Variants in USP34 observed in about 807,000 individuals in gnomAD.
The protein encoded by USP34 is ubiquitin carboxyl-terminal hydrolase 34.
In USP34, 70 loss-of-function variants were observed where a neutral mutation model predicts 460.3. The observed-to-expected ratio is 0.15, with a 90% confidence interval of 0.13 to 0.19. USP34 has a LOEUF of 0.19. Ranked by LOEUF, USP34 falls within the 10% of genes least tolerant of loss-of-function variation. The pLI is 1.00. For missense variants in USP34, 3,985 were observed against 4,236.2 expected (o/e 0.94, Z 1.65); for synonymous variants, 1,647 against 1,405.3 (o/e 1.17, Z -3.85).
chr2:61,194,016 A>T (rs905737680), intron 75 of USP34: 140 of 667,540 alleles, frequency 2.1e-4, no homozygotes, highest in Non-Finnish European at 2.6e-4. Flanking sequence ...AAAAAAATTT[A>T]AAAATATGAA....
chr2:61,398,097 A>G (rs928735394), intron 3 of USP34, among the ~76,000 whole-genome samples: 1 of 151,526 alleles, frequency 6.6e-6, no homozygotes, highest in African/African-American at 2.4e-5. Flanking sequence ...TTTTAGGTTG[A>G]GTGCAGTGGC....
chr2:61,308,163 A>T (rs375065670), intron 27 of USP34, among the ~76,000 whole-genome samples: 1 of 152,190 alleles, frequency 6.6e-6, no homozygotes, highest in South Asian at 2.1e-4. Flanking sequence ...AATATGTGCT[A>T]AAAGAGAAAA....
chr2:61,395,785 C>CA (rs541139131), intron 3 of USP34, among the ~76,000 whole-genome samples: 2,801 of 29,036 alleles, frequency 0.096, 208 homozygotes, highest in Middle Eastern at 0.12. Flanking sequence ...GACTCCGTCT[C>CA]AAAAAAAAAA....
intron 1 of USP34, among the ~76,000 whole-genome samples, chr2:61,450,695 C>A (rs1469744227): frequency 6.6e-6 from 1 of 151,652 alleles, no homozygotes; most frequent in Non-Finnish European, 1.5e-5. Context: ...TCCAGGAGTA[C>A]ATGTAAAAAG....
chr2:61,446,290 C>G (rs1346441515), intron 1 of USP34, among the ~76,000 whole-genome samples: 1 of 151,980 alleles, frequency 6.6e-6, no homozygotes, highest in African/African-American at 2.4e-5. Context: ...CTGTATCCTT[C>G]TAAGTGCTTC....
At chr2:61,446,320 TC>T (rs1573050773) in intron 1 of USP34, among the ~76,000 whole-genome samples, 2 of 152,118 alleles carry the variant, frequency 1.3e-5, no homozygotes, top group African/African-American at 4.8e-5. Context: ...TCATATACTG[TC>T]CTGATTGAAG....
At chr2:61,292,759 T>C (rs566430425) in intron 33 of USP34, among the ~76,000 whole-genome samples, 1 of 152,316 alleles carries the variant, frequency 6.6e-6, no homozygotes, top group South Asian at 2.1e-4. Context: ...TGGAATGTCC[T>C]TTACAATGAG....
intron 1 of USP34, among the ~76,000 whole-genome samples, chr2:61,468,216 G>T (rs924231692): frequency 1.3e-5 from 2 of 151,894 alleles, no homozygotes; most frequent in Non-Finnish European, 2.9e-5. Flanking sequence ...ACAAAGTTTC[G>T]CTCTTGTTGC....
intron 27 of USP34, among the ~76,000 whole-genome samples, chr2:61,307,456 A>C (rs565934750): frequency 3.9e-4 from 60 of 152,160 alleles, no homozygotes; most frequent in Middle Eastern, 3.4e-3. Flanking sequence ...CTAGAACTTT[A>C]ATTTAAAAAA....
intron 43 of USP34, 57 bp downstream of exon 43, chr2:61,265,340 A>T: frequency 1.3e-6 from 2 of 1,539,682 alleles, no homozygotes; most frequent in Non-Finnish European, 1.8e-6. Flanking sequence ...AAAATTTATC[A>T]ACAAAATATT....
rs768487279 is a variant in USP34, at chr2:61,190,315, A to C, written c.9829T>G (p.Ser3277Ala). 1 of 1,613,858 alleles carries C rather than the reference A, an allele frequency of 6.2e-7. No homozygotes were observed. The highest frequency in any genetic ancestry group is 2.2e-5 in the East Asian group (1 of 44,878). ...GCTTTGGAAATTTCAACTCGGTTGG[A>C]GAAATCAGACTGTAGGTTCTGATAC... is the stretch of plus-strand genomic sequence containing the variant. ...SQYQNLQSDFSNRVEISKASA... is the reference protein window; with the variant it reads ...SQYQNLQSDFANRVEISKASA... Residue 3277 changes from serine to alanine, a missense_variant, in exon 78 of 80, where the codon TCC (serine) becomes GCC (alanine). This residue lies in a region of USP34 where 506 missense variants were observed against 439.0 expected (regional missense o/e 1.15). Transcript: ENST00000398571.
chr2:61,467,712 CAGGGTTCA>C (rs1695819092), intron 1 of USP34, among the ~76,000 whole-genome samples: 1 of 144,140 alleles, frequency 6.9e-6, no homozygotes, highest in Non-Finnish European at 1.5e-5. Context: ...CTCCGCCTAC[CAGGGTTCA>C]AGCAATTCTC....
intron 41 of USP34, among the ~76,000 whole-genome samples, chr2:61,269,322 AAT>A (rs1491170921): frequency 2.8e-5 from 3 of 107,294 alleles, no homozygotes; most frequent in East Asian, 2.8e-4. Flanking sequence ...CACCTTGGCT[AAT>A]TTTTTTTTTT....
intron 4 of USP34, 37 bp from the exon 5 acceptor site, chr2:61,395,039 C>A: frequency 6.5e-7 from 1 of 1,544,096 alleles, no homozygotes; most frequent in Non-Finnish European, 8.7e-7. Flanking sequence ...TATTTGAAAA[C>A]GTACAAATAA....
chr2:61,263,400 C>G (rs1688954361), intron 43 of USP34, among the ~76,000 whole-genome samples: 1 of 151,522 alleles, frequency 6.6e-6, no homozygotes, highest in Non-Finnish European at 1.5e-5. Flanking sequence ...AGGCTGGTCT[C>G]AGACTCCTGA....
At chr2:61,233,650 C>T (rs1687980091) in intron 57 of USP34, among the ~76,000 whole-genome samples, 1 of 151,934 alleles carries the variant, frequency 6.6e-6, no homozygotes, top group South Asian at 2.1e-4. Flanking sequence ...CAAAGAGACT[C>T]TGTCTCTATA....
intron 75 of USP34, among the ~76,000 whole-genome samples, chr2:61,202,193 ATCT>A (rs1383121864): frequency 3.9e-5 from 6 of 152,312 alleles, no homozygotes; most frequent in Admixed American, 6.5e-5. Context: ...GTAGGGTCAC[ATCT>A]TCTGCCCTAC....
chr2:61,244,456 A>T (rs1256318354), intron 51 of USP34, among the ~76,000 whole-genome samples: 1 of 152,012 alleles, frequency 6.6e-6, no homozygotes, highest in Non-Finnish European at 1.5e-5. Context: ...CTCTACTAAA[A>T]ATACAAAAAT....
chr2:61,258,982 G>C (rs906923562), intron 44 of USP34, among the ~76,000 whole-genome samples: 9 of 152,076 alleles, frequency 5.9e-5, no homozygotes, highest in Admixed American at 5.9e-4. Context: ...AGACAGCTCC[G>C]GGCACGGTGG....
Sources: allele counts gnomAD v4.1 joint callset (sites outside exome capture counted in the v4.1 genomes callset), GRCh38; gene constraint gnomAD v4.1.1; regional missense constraint gnomAD v4.1.1; transcripts MANE v1.5; gene names NCBI Gene and HGNC (gene_info 2026-07-23, HGNC 2026-07-21).